Variants in MCTP1 observed in about 807,000 individuals in gnomAD.
MCTP1 encodes the protein multiple C2 and transmembrane domain-containing protein 1.
MCTP1 carries 69 observed loss-of-function variants against 120.6 expected under a neutral mutation model. That is an observed-to-expected ratio of 0.57 (90% CI 0.47 to 0.70). The LOEUF (loss-of-function observed/expected upper bound fraction) is 0.70, where lower values mean the gene tolerates loss of function less well. Among genes scored for constraint, MCTP1 ranks in the 30% least tolerant of loss-of-function variants. The pLI, the probability that MCTP1 is intolerant of heterozygous loss-of-function variation, is 0.00. For missense variants in MCTP1, 1,203 were observed against 1,248.8 expected (o/e 0.96, Z 0.55); for synonymous variants, 529 against 493.1 (o/e 1.07, Z -0.96).
intron 20 of MCTP1, among the ~76,000 whole-genome samples, chr5:94,713,118 G>GGTAA (rs1388809339): frequency 6.6e-6 from 1 of 152,116 alleles, no homozygotes. Flanking sequence ...AACAAGACAT[G>GGTAA]GTAAGTATAG....
intron 1 of MCTP1, among the ~76,000 whole-genome samples, chr5:95,219,388 A>G (rs929827954): frequency 5.9e-5 from 9 of 151,976 alleles, no homozygotes; most frequent in African/African-American, 2.2e-4. Flanking sequence ...TCTCAAAAAA[A>G]AAAAAAAAAA....
chr5:95,231,119 A>T (rs943188752), intron 1 of MCTP1, among the ~76,000 whole-genome samples: 8 of 152,176 alleles, frequency 5.3e-5, no homozygotes, highest in Admixed American at 5.2e-4. Flanking sequence ...ACATTTCCTA[A>T]ATGTCACTGA....
chr5:94,884,084 C>T (rs925429924), intron 12 of MCTP1, among the ~76,000 whole-genome samples: 2 of 152,148 alleles, frequency 1.3e-5, no homozygotes, highest in African/African-American at 4.8e-5. Flanking sequence ...TCATGACACA[C>T]TCAAGCTGGA....
intron 3 of MCTP1, among the ~76,000 whole-genome samples, chr5:94,948,000 C>G (rs1819549859): frequency 6.6e-6 from 1 of 152,074 alleles, no homozygotes; most frequent in Non-Finnish European, 1.5e-5. Context: ...TAAGATCCTA[C>G]TTAGCAACAG....
chr5:95,253,992 C>T (rs1355877916), intron 1 of MCTP1, among the ~76,000 whole-genome samples: 1 of 152,040 alleles, frequency 6.6e-6, no homozygotes, highest in Non-Finnish European at 1.5e-5. Context: ...TCAAGTCAAG[C>T]AACTTTTATC....
At chr5:94,708,664 A>G (rs1755572661) in intron 21 of MCTP1, 55 bp from the exon 22 acceptor site, 1 of 1,141,300 alleles carries the variant, frequency 8.8e-7, no homozygotes, top group Admixed American at 1.7e-5. Context: ...TGTTGTAGTA[A>G]TTTGAAGATC....
At chr5:94,935,396 A>AT (rs796933122) in intron 5 of MCTP1, among the ~76,000 whole-genome samples, 18 of 151,500 alleles carry the variant, frequency 1.2e-4, no homozygotes, top group Admixed American at 3.3e-4. Context: ...TTAACAGTGC[A>AT]TAAAAAACTC....
At chr5:95,244,398 A>G (rs1468034092) in intron 1 of MCTP1, among the ~76,000 whole-genome samples, 1 of 152,170 alleles carries the variant, frequency 6.6e-6, no homozygotes, top group Non-Finnish European at 1.5e-5. Context: ...GGGAAGCACA[A>G]GGGGTGGGGG....
At chr5:95,010,501 G>A (rs1835725269) in intron 2 of MCTP1, among the ~76,000 whole-genome samples, 1 of 152,082 alleles carries the variant, frequency 6.6e-6, no homozygotes, top group Non-Finnish European at 1.5e-5. Flanking sequence ...TAACATATCT[G>A]TTATTCATAG....
chr5:94,870,547 T>C, intron 15 of MCTP1, 56 bp from the exon 16 acceptor site: 1 of 1,256,672 alleles, frequency 8.0e-7, no homozygotes, highest in Non-Finnish European at 1.2e-6. Context: ...TGTTTACAAG[T>C]TTTTCACGCA....
chr5:94,857,250 C>T (rs966298116), intron 17 of MCTP1, among the ~76,000 whole-genome samples: 5 of 151,664 alleles, frequency 3.3e-5, no homozygotes, highest in Admixed American at 2.6e-4. Flanking sequence ...TGCATGAAAA[C>T]GAGGGAAGTC....
intron 19 of MCTP1, among the ~76,000 whole-genome samples, chr5:94,772,312 G>A (rs534072825): frequency 6.6e-6 from 1 of 152,304 alleles, no homozygotes; most frequent in South Asian, 2.1e-4. Context: ...CTGTCAATGT[G>A]CAGCTGGGAG....
At chr5:94,780,354 G>A (rs1776307773) in intron 18 of MCTP1, among the ~76,000 whole-genome samples, 1 of 151,836 alleles carries the variant, frequency 6.6e-6, no homozygotes, top group Admixed American at 6.6e-5. Context: ...TACATAAACT[G>A]AGATAACATA....
At chr5:94,713,451 A>C (rs1757829220) in intron 20 of MCTP1, among the ~76,000 whole-genome samples, 1 of 152,124 alleles carries the variant, frequency 6.6e-6, no homozygotes, top group African/African-American at 2.4e-5. Flanking sequence ...TCTTCCTCTC[A>C]GGCATTCACT....
chr5:95,089,526 A>C (rs1196866208), intron 1 of MCTP1, among the ~76,000 whole-genome samples: 1 of 152,220 alleles, frequency 6.6e-6, no homozygotes, highest in East Asian at 1.9e-4. Context: ...GGGTAAAAAT[A>C]ACACCTTATG....
At chr5:95,024,631 A>C (rs1213322351) in intron 1 of MCTP1, among the ~76,000 whole-genome samples, 1 of 140,284 alleles carries the variant, frequency 7.1e-6, no homozygotes, top group African/African-American at 2.6e-5. Flanking sequence ...AAGAGAAAGA[A>C]ATGAAAGGCA....
chr5:94,862,320 G>A (rs927114980), intron 17 of MCTP1, among the ~76,000 whole-genome samples: 1 of 151,704 alleles, frequency 6.6e-6, no homozygotes, highest in South Asian at 2.1e-4. Context: ...CTTTCAGAGA[G>A]TAGCAGACCC....
chr5:95,210,217 T>A (rs1752173846), intron 1 of MCTP1, among the ~76,000 whole-genome samples: 1 of 152,182 alleles, frequency 6.6e-6, no homozygotes, highest in South Asian at 2.1e-4. Context: ...TGAGTAAAAT[T>A]CCTGGGTATC....
At chr5:94,768,738 G>T (rs1437410098) in intron 19 of MCTP1, among the ~76,000 whole-genome samples, 2 of 152,026 alleles carry the variant, frequency 1.3e-5, no homozygotes, top group East Asian at 3.9e-4. Flanking sequence ...AAAAATAATG[G>T]ATGTAGTCAA....
Sources: allele counts gnomAD v4.1 joint callset (sites outside exome capture counted in the v4.1 genomes callset), GRCh38; gene constraint gnomAD v4.1.1; transcripts MANE v1.5; gene names NCBI Gene and HGNC (gene_info 2026-07-23, HGNC 2026-07-21).